The following ZSCAN29 variants were observed in gnomAD, a reference collection of about 807,000 sequenced individuals.
The protein encoded by ZSCAN29 is zinc finger and SCAN domain containing 29.
Under a neutral mutation model 71.9 loss-of-function variants are expected in ZSCAN29, and 55 were observed. That is an observed-to-expected ratio of 0.76 (90% CI 0.62 to 0.96). The LOEUF (loss-of-function observed/expected upper bound fraction) is 0.96, where lower values mean the gene tolerates loss of function less well. ZSCAN29 is among the 40% of genes least tolerant of loss of function. The pLI, the probability that ZSCAN29 is intolerant of heterozygous loss-of-function variation, is 0.00. For synonymous variants in ZSCAN29, 351 were observed against 371.6 expected, an observed-to-expected ratio of 0.94 and a Z score of 0.64; for missense variants, 1,042 against 1,042.2, an observed-to-expected ratio of 1.00 and a Z score of 0.00.
chr15:43,363,016 T>C (rs2043997814), intron 5 of ZSCAN29, among the ~76,000 whole-genome samples: 1 of 151,902 alleles, frequency 6.6e-6, no homozygotes. Flanking sequence ...TTTCATTCGT[T>C]GCCCAGGCAG....
Position 43,366,737 on chromosome 15 carries a change from C to A in ZSCAN29, c.595G>T (p.Gly199Cys). Residue 199 changes from glycine (G) to cysteine (C), a missense_variant, in exon 4 of 6, where the codon GGC becomes TGC. By Grantham distance (159) the Gly-to-Cys change is radical. Transcript: ENST00000684362. ...CTTGGAAGTTCTTTCTCCTTAGAGC[C>A]CAGCAGATCTGGGATCCATGGCTCT... ...QGEPWIPDLL[G>C]SKEKELPSGS... is the part of the protein sequence containing the mutation. The A allele has an allele frequency of 6.2e-7, 1 of 1,614,058 alleles. No homozygotes were observed. The highest frequency in any genetic ancestry group is 8.5e-7 in the Non-Finnish European group (1 of 1,179,990).
In ZSCAN29 at chr15:43,369,781, G is replaced by C. The variant is rs1438076068; in HGVS notation, c.133C>G (p.Arg45Gly). The C allele has an allele frequency of 1.2e-6, 2 of 1,614,106 alleles. No individual in the cohort carries two copies. The highest frequency in any genetic ancestry group is 2.7e-5 in the African/African-American group (2 of 74,934). ...AFSQLWELCC[R>G]WLRPEVRTKE... ...GTGCGCACCTCCGGCCTTAGCCACC[G>C]ACAGCAAAGTTCCCAGAGTTGGCTG... Residue 45 changes from arginine (R) to glycine (G), a missense_variant, in exon 2 of 6, where the codon CGG becomes GGG. Transcript: ENST00000684362.
At position 43,370,973 on chromosome 15, in the gene ZSCAN29, T is replaced by TGCCCCC. The variant is rs775941816; in HGVS notation, c.-529_-528insGGGGGC. The TGCCCCC allele has an allele frequency of 8.8e-6, 1 of 112,996 alleles. No homozygotes were observed. The highest frequency in any genetic ancestry group is 7.7e-5 in the South Asian group (1 of 13,042). The allele number at this position is 112,996 out of a possible 1,614,324, so 7.0% of individuals were successfully genotyped here. Reference sequence around the variant, plus strand: ...GCCTCACCCACTCGGGGTCCGACCCTGACCCCGGCCCCGGCCCCGGCCCCG... The same window carrying TGCCCCC: ...GCCTCACCCACTCGGGGTCCGACCCTGCCCCCGACCCCGGCCCCGGCCCCGGCCCCG... On this transcript the variant is annotated 5_prime_UTR_variant, in exon 1 of 6. Coordinates refer to ENST00000684362, the MANE Select transcript of ZSCAN29 (RefSeq NM_001372080.1).
intron 3 of ZSCAN29, among the ~76,000 whole-genome samples, 173 bp from the exon 4 acceptor site, chr15:43,366,981 A>G (rs1179819619): frequency 6.6e-6 from 1 of 152,228 alleles, no homozygotes; most frequent in East Asian, 1.9e-4. Context: ...GGAAACCTCA[A>G]AAGATGAGAA....
chr15:43,360,560 G>C lies in ZSCAN29; in HGVS notation c.*513C>G, dbSNP rs1293504156. On this transcript the variant is annotated 3_prime_UTR_variant, in exon 6 of 6. Coordinates refer to ENST00000684362, the MANE Select transcript of ZSCAN29 (RefSeq NM_001372080.1). Reference sequence around the variant, plus strand: ...TGAGGCAGGAGAATCACTTGAACCCGGGAAGCAGAGGTTGCAGTGAGCTGA... The same window carrying C: ...TGAGGCAGGAGAATCACTTGAACCCCGGAAGCAGAGGTTGCAGTGAGCTGA... The C allele has an allele frequency of 6.7e-6, 1 of 150,244 alleles. No homozygotes were observed. Among genetic ancestry groups the C allele is most frequent in the African/African-American group, 2.5e-5 (1 of 40,514 alleles). 9.3% of individuals were successfully genotyped at this position (150,244 alleles called of 1,614,324 possible).
At chr15:43,370,123 T>C (rs1194724115) in intron 1 of ZSCAN29, 98 bp from the exon 2 acceptor site, 4 of 566,348 alleles carry the variant, frequency 7.1e-6, no homozygotes, top group East Asian at 3.0e-5. Context: ...CGAGTGGCCT[T>C]CTAAGGTAGC....
chr15:43,358,483 T>C lies in ZSCAN29; in HGVS notation c.*2590A>G, dbSNP rs959861226. On this transcript the variant is annotated 3_prime_UTR_variant, in exon 6 of 6. Transcript: ENST00000684362. The stretch of plus-strand genomic sequence containing the variant: ...TAGGCAACATAACAGAAGTACCATC[T>C]TCCCTTAATTCCTAATAAATATTAG... The C allele has an allele frequency of 1.3e-5, 2 of 152,240 alleles. No individual in the cohort carries two copies. The highest frequency in any genetic ancestry group is 2.9e-5 in the Non-Finnish European group (2 of 68,042). 9.4% of individuals were successfully genotyped at this position (152,240 alleles called of 1,614,324 possible).
In ZSCAN29 at chr15:43,364,193, C is replaced by T; in HGVS notation, c.1412G>A (p.Ser471Asn). Residue 471 changes from serine (S) to asparagine (N), a missense_variant, in exon 5 of 6, where the codon AGC becomes AAC. Coordinates refer to ENST00000684362, the MANE Select transcript of ZSCAN29 (RefSeq NM_001372080.1). Reference protein sequence around the residue: ...CRTKFKSLQTSYRKVKNGQAP... With the variant: ...CRTKFKSLQTNYRKVKNGQAP... Reference sequence around the variant, plus strand: ...CTGGCCATTCTTAACTTTCCGATAGCTGGTTTGCAGGCTTTTAAACTTGGT... The same window carrying T: ...CTGGCCATTCTTAACTTTCCGATAGTTGGTTTGCAGGCTTTTAAACTTGGT... 1 of 1,614,202 alleles carries T rather than the reference C, an allele frequency of 6.2e-7. No homozygotes were observed. The highest frequency in any genetic ancestry group is 8.5e-7 in the Non-Finnish European group (1 of 1,180,040).
chr15:43,364,096 A>G lies in ZSCAN29; in HGVS notation c.1509T>C (p.Asn503=). The part of the protein sequence containing the change: ...LVSVRVAAPP[N]DGQEETASCP... The stretch of plus-strand genomic sequence containing the variant: ...AAGAAGCAGTCTCTTCCTGGCCATC[A>G]TTGGGTGGGGCAGCAACCCGGACAC... The change falls in exon 5 of 6, where the codon AAT becomes AAC. Residue 503 remains asparagine (N), a synonymous_variant. Transcript: ENST00000684362. 2 of 1,614,084 alleles carry G rather than the reference A, an allele frequency of 1.2e-6. No homozygotes were observed. The highest frequency in any genetic ancestry group is 1.1e-5 in the South Asian group (1 of 91,078).
At position 43,359,181 on chromosome 15, in the gene ZSCAN29, A is replaced by G. The variant is rs1011039467; in HGVS notation, c.*1892T>C. 6.6e-6 allele frequency: 1 copy of G among 152,206 alleles called. No homozygotes were observed. The highest frequency in any genetic ancestry group is 1.5e-5 in the Non-Finnish European group (1 of 68,038). The allele number at this position is 152,206 out of a possible 1,614,324, so 9.4% of individuals were successfully genotyped here. On this transcript the variant is annotated 3_prime_UTR_variant, in exon 6 of 6. Coordinates refer to ENST00000684362, the MANE Select transcript of ZSCAN29 (RefSeq NM_001372080.1). Reference sequence around the variant, plus strand: ...TGAATAAAGAGAAAAAATACCTCCCAGATTTTTGTTAAAGCAAACTAATGC... The same window carrying G: ...TGAATAAAGAGAAAAAATACCTCCCGGATTTTTGTTAAAGCAAACTAATGC...
rs749449553 is a variant in ZSCAN29 at position 43,369,034 on chromosome 15, C to T, written c.412G>A (p.Val138Met). Reference protein sequence around the residue: ...QELLSVRQESVEPQPRGVPKK... With the variant: ...QELLSVRQESMEPQPRGVPKK... ...GGTACACCCCTGGGCTGGGGTTCCA[C>T]TGACTCCTGCCGAACACTTAATAAC... is the stretch of plus-strand genomic sequence containing the variant. The change falls in exon 3 of 6, where the codon GTG becomes ATG. Residue 138 changes from valine to methionine, a missense_variant. Physicochemically the swap from Val to Met is conservative, Grantham distance 21. Transcript: ENST00000684362. The T allele has an allele frequency of 1.2e-6, 2 of 1,612,842 alleles. No homozygotes were observed. The highest frequency in any genetic ancestry group is 2.2e-5 in the South Asian group (2 of 90,766).
At chr15:43,363,231 G>A (rs990343158) in intron 5 of ZSCAN29, among the ~76,000 whole-genome samples, 3 of 152,068 alleles carry the variant, frequency 2.0e-5, no homozygotes, top group South Asian at 2.1e-4. Flanking sequence ...TGCCCGCCTC[G>A]GCCTCCCAAA....
Position 43,371,007 on chromosome 15 carries a change from T to A in ZSCAN29, c.-562A>T. The A allele has an allele frequency of 5.5e-6, 1 of 183,450 alleles. No homozygotes were observed. The highest frequency in any genetic ancestry group is 1.2e-5 in the Non-Finnish European group (1 of 86,906). The allele number at this position is 183,450 out of a possible 1,614,324, so 11.4% of individuals were successfully genotyped here. On this transcript the variant is annotated 5_prime_UTR_variant, in exon 1 of 6. Transcript: ENST00000684362. ...CCCCGGCCCCGGCCCCGGCCCCGGC[T>A]CTCCAGCCTCCCAAGTACAGCTCCC...
intron 4 of ZSCAN29, among the ~76,000 whole-genome samples, chr15:43,365,164 GTCC>G (rs1287389868): frequency 1.3e-5 from 2 of 152,018 alleles, no homozygotes; most frequent in African/African-American, 2.4e-5. Flanking sequence ...TAGCGATGTA[GTCC>G]TCCTGCTTTG....
Position 43,361,885 on chromosome 15 carries a change from C to T in ZSCAN29, c.1747G>A (p.Val583Ile). 6.2e-7 allele frequency: 1 copy of T among 1,614,048 alleles called. No homozygotes were observed. The highest frequency in any genetic ancestry group is 8.5e-7 in the Non-Finnish European group (1 of 1,179,976). The change falls in exon 6 of 6, where the codon GTA becomes ATA. Residue 583 changes from valine to isoleucine, a missense_variant. By Grantham distance (29) the Val-to-Ile change is conservative. Coordinates refer to ENST00000684362, the MANE Select transcript of ZSCAN29 (RefSeq NM_001372080.1). ...GCAAGTAATGTCCTATGCAGTTGTA[C>T]TTCCTCAGAAATATCCCGTTTTGAA... ...DNSKRDISEE[V>I]QLHRTLLARS...
rs1595469206 is a variant in ZSCAN29 at position 43,368,859 on chromosome 15, A to G, written c.523+64T>C. ...TCCTGAAATCCCTTTCCCACTCACT[A>G]TTCCCAACCCTACTTCCCAACTTGG... On this transcript the variant is annotated intron_variant, in intron 3 of 5. Transcript: ENST00000684362. The G allele has an allele frequency of 4.2e-6, 6 of 1,445,478 alleles. No individual in the cohort carries two copies. The East Asian group carries it at 1.4e-4, about 35-fold the overall frequency. 89.5% of individuals were successfully genotyped at this position (1,445,478 alleles called of 1,614,324 possible).
chr15:43,365,992 C>T, intron 4 of ZSCAN29, 118 bp downstream of exon 4: 1 of 913,960 alleles, frequency 1.1e-6, no homozygotes, highest in Non-Finnish European at 1.7e-6. Flanking sequence ...AATGGAGAAG[C>T]ACTTCTTTGT....
At chr15:43,363,708 A>C (rs973793254) in intron 5 of ZSCAN29, 1 of 516,634 alleles carries the variant, frequency 1.9e-6, no homozygotes, top group Non-Finnish European at 3.4e-6. Flanking sequence ...CAGCTATCTC[A>C]GATTGATGCT....
chr15:43,371,007 T>C lies in ZSCAN29; in HGVS notation c.-562A>G, dbSNP rs1372175731. 11 of 183,404 alleles carry C rather than the reference T, an allele frequency of 6.0e-5. No homozygotes were observed. The highest frequency in any genetic ancestry group is 1.7e-4 in the South Asian group (3 of 17,556). 11.4% of individuals were successfully genotyped at this position (183,404 alleles called of 1,614,324 possible). Reference sequence around the variant, plus strand: ...CCCCGGCCCCGGCCCCGGCCCCGGCTCTCCAGCCTCCCAAGTACAGCTCCC... The same window carrying C: ...CCCCGGCCCCGGCCCCGGCCCCGGCCCTCCAGCCTCCCAAGTACAGCTCCC... On this transcript the variant is annotated 5_prime_UTR_variant, in exon 1 of 6. Transcript: ENST00000684362.
Sources: allele counts gnomAD v4.1 joint callset (sites outside exome capture counted in the v4.1 genomes callset), GRCh38; gene constraint gnomAD v4.1.1; transcripts MANE v1.5; gene names NCBI Gene and HGNC (gene_info 2026-07-23, HGNC 2026-07-21).